The following IL22RA2 variants were observed in gnomAD, a reference collection of about 807,000 sequenced individuals.
The protein encoded by IL22RA2 is interleukin 22 receptor subunit alpha 2.
A neutral mutation model predicts 30.7 loss-of-function variants in IL22RA2; 39 were observed. The ratio of observed to expected loss-of-function variants is 1.27; its 90% CI spans 0.98 to 1.66. IL22RA2 has a LOEUF of 1.66. Among genes scored for constraint, IL22RA2 ranks in the 40% most tolerant of loss-of-function variants. The pLI is 0.00. For synonymous variants in IL22RA2, 103 were observed against 105.0 expected (o/e 0.98, Z 0.11); for missense variants, 315 against 312.7 (o/e 1.01, Z -0.05).
intron 1 of IL22RA2, among the ~76,000 whole-genome samples, chr6:137,173,141 G>A (rs1778776450): frequency 2.0e-5 from 3 of 152,238 alleles, no homozygotes; most frequent in Admixed American, 2.0e-4. Context: ...GAAGGCGGAG[G>A]TGGGTGGATC....
At position 137,145,712 on chromosome 6, in the gene IL22RA2, G is replaced by A. The variant is rs1417015293; in HGVS notation, c.704C>T (p.Ser235Phe). Residue 235 changes from serine (S) to phenylalanine (F), a missense_variant, in exon 7 of 7, where the codon TCC becomes TTC. Transcript: ENST00000296980. ...AVEIEALTPH[S>F]SYCVVAEIYQ... ...TATTTCAGCCACTACACAGTAGCTG[G>A]AGTGTGGTGTTAGAGCTTCAATTTC... The A allele has an allele frequency of 6.2e-7, 1 of 1,613,234 alleles. No individual in the cohort carries two copies. The highest frequency in any genetic ancestry group is 8.5e-7 in the Non-Finnish European group (1 of 1,179,376).
chr6:137,157,183 T>C (rs1362486524), intron 3 of IL22RA2, among the ~76,000 whole-genome samples: 2 of 152,208 alleles, frequency 1.3e-5, no homozygotes, highest in African/African-American at 2.4e-5. Flanking sequence ...AATCCTTGCA[T>C]TGGGGTCCTG....
At chr6:137,148,179 T>C (rs1778217468) in intron 5 of IL22RA2, among the ~76,000 whole-genome samples, 1 of 152,222 alleles carries the variant, frequency 6.6e-6, no homozygotes, top group African/African-American at 2.4e-5. Context: ...AACATACAAA[T>C]TACTTTCCTC....
chr6:137,155,127 A>G lies in IL22RA2; in HGVS notation c.294-8T>C, dbSNP rs755040164. ...CATTGTCTCTGTCCATATCTGTAGC[A>G]GGGAAAAGGCAAAGATCTGAGTTTC... On this transcript the variant is annotated splice_polypyrimidine_tract_variant and splice_region_variant and intron_variant, in intron 4 of 6. Coordinates refer to ENST00000296980, the MANE Select transcript of IL22RA2 (RefSeq NM_052962.3). 3 of 1,523,530 alleles carry G rather than the reference A, an allele frequency of 2.0e-6. No individual in the cohort carries two copies. The highest frequency in any genetic ancestry group is 2.6e-6 in the Non-Finnish European group (3 of 1,135,910). The allele number at this position is 1,523,530 out of a possible 1,614,324, so 94.4% of individuals were successfully genotyped here. A position where few individuals can be genotyped will look rare whatever the true frequency, so the allele number is the denominator to read the frequency against.
At position 137,160,174 on chromosome 6, in the gene IL22RA2, T is replaced by C. The variant is rs559638377; in HGVS notation, c.61+1515A>G. On this transcript the variant is annotated intron_variant, in intron 2 of 6. Transcript: ENST00000296980. ...CAATTTCCTGAAGGCCTGCCTAGAATTGATTTGCTAACATGAAGATAGATG... is the reference window on the plus strand; with the variant it reads ...CAATTTCCTGAAGGCCTGCCTAGAACTGATTTGCTAACATGAAGATAGATG... Among the ~76,000 whole-genome samples, 3 of 152,332 alleles carry C rather than the reference T, an allele frequency of 2.0e-5. No homozygotes were observed. In the East Asian group the frequency reaches 5.8e-4, roughly 29 times the overall value.
intron 1 of IL22RA2, among the ~76,000 whole-genome samples, chr6:137,166,009 T>C (rs898023408): frequency 6.6e-6 from 1 of 152,152 alleles, no homozygotes; most frequent in Non-Finnish European, 1.5e-5. Context: ...GGGCGGAGCA[T>C]GGAAAGCCCC....
chr6:137,155,532 A>G (rs1562270362), intron 4 of IL22RA2, among the ~76,000 whole-genome samples: 1 of 150,714 alleles, frequency 6.6e-6, no homozygotes, highest in Non-Finnish European at 1.5e-5. Context: ...AATATAAAAT[A>G]TATATAAAAC....
At chr6:137,171,286 A>G (rs1227066388) in intron 1 of IL22RA2, among the ~76,000 whole-genome samples, 2 of 152,252 alleles carry the variant, frequency 1.3e-5, no homozygotes, top group Non-Finnish European at 2.9e-5. Flanking sequence ...AAGGAGCTAC[A>G]GCAGGGTTAC....
intron 2 of IL22RA2, among the ~76,000 whole-genome samples, chr6:137,160,993 G>A (rs751767333): frequency 1.3e-5 from 2 of 152,146 alleles, no homozygotes; most frequent in Non-Finnish European, 2.9e-5. Flanking sequence ...ACACTGAGAG[G>A]TACCCATTTG....
intron 1 of IL22RA2, among the ~76,000 whole-genome samples, chr6:137,172,688 T>C (rs1417318518): frequency 6.6e-6 from 1 of 152,214 alleles, no homozygotes; most frequent in African/African-American, 2.4e-5. Context: ...ACCTTGACGG[T>C]GACAACGGGT....
chr6:137,169,467 C>T (rs895627847), intron 1 of IL22RA2, among the ~76,000 whole-genome samples: 1 of 152,134 alleles, frequency 6.6e-6, no homozygotes, highest in African/African-American at 2.4e-5. Context: ...TTTTGCTACT[C>T]CCCCTGCAGC....
chr6:137,167,561 C>G (rs1040839335), intron 1 of IL22RA2, among the ~76,000 whole-genome samples: 1 of 152,206 alleles, frequency 6.6e-6, no homozygotes, highest in Non-Finnish European at 1.5e-5. Context: ...GAGACTCTGT[C>G]TGGGTCAAAC....
intron 5 of IL22RA2, among the ~76,000 whole-genome samples, chr6:137,148,911 C>T (rs765633069): frequency 1.3e-4 from 20 of 152,108 alleles, no homozygotes; most frequent in Non-Finnish European, 2.8e-4. Flanking sequence ...CAATTGATTG[C>T]AAAATCAGTT....
At chr6:137,148,525 C>T (rs1049173861) in intron 5 of IL22RA2, among the ~76,000 whole-genome samples, 4 of 152,288 alleles carry the variant, frequency 2.6e-5, no homozygotes, top group African/African-American at 9.6e-5. Flanking sequence ...TTACCACATC[C>T]AGCAAATGCC....
chr6:137,151,047 C>A (rs989970280), intron 5 of IL22RA2, among the ~76,000 whole-genome samples: 1 of 152,056 alleles, frequency 6.6e-6, no homozygotes, highest in Non-Finnish European at 1.5e-5. Context: ...GCAAAAGGCT[C>A]ATACTGAAAA....
At chr6:137,148,614 G>A (rs746131109) in intron 5 of IL22RA2, among the ~76,000 whole-genome samples, 2 of 152,140 alleles carry the variant, frequency 1.3e-5, no homozygotes, top group African/African-American at 2.4e-5. Flanking sequence ...TGGCCCCCAA[G>A]GATTCCCTTT....
chr6:137,172,500 A>G (rs1033392690), intron 1 of IL22RA2, among the ~76,000 whole-genome samples: 4 of 152,246 alleles, frequency 2.6e-5, no homozygotes, highest in African/African-American at 9.6e-5. Flanking sequence ...ATTTCCCATC[A>G]ATCTGGAAGC....
chr6:137,163,067 C>T (rs1778552907), intron 1 of IL22RA2, among the ~76,000 whole-genome samples: 1 of 152,214 alleles, frequency 6.6e-6, no homozygotes, highest in South Asian at 2.1e-4. Context: ...ATCCACATTC[C>T]TCAGAGTTTA....
intron 5 of IL22RA2, among the ~76,000 whole-genome samples, chr6:137,148,307 G>A (rs1382049898): frequency 2.0e-5 from 3 of 152,056 alleles, no homozygotes; most frequent in Non-Finnish European, 4.4e-5. Context: ...TCAAACTCCT[G>A]TACTCAAGTG....
Sources: allele counts gnomAD v4.1 joint callset (sites outside exome capture counted in the v4.1 genomes callset), GRCh38; gene constraint gnomAD v4.1.1; transcripts MANE v1.5; gene names NCBI Gene and HGNC (gene_info 2026-07-23, HGNC 2026-07-21).